The following CDC14B variants were observed in gnomAD, a reference collection of about 807,000 sequenced individuals.
The protein encoded by CDC14B is cell division cycle 14B.
In CDC14B, 22 loss-of-function variants were observed where a neutral mutation model predicts 64.2. The ratio of observed to expected loss-of-function variants is 0.34; its 90% CI spans 0.24 to 0.49. The LOEUF is 0.49. Ranked by LOEUF, CDC14B falls within the 20% of genes least tolerant of loss-of-function variation. The pLI, the probability that CDC14B is intolerant of heterozygous loss-of-function variation, is 0.99. For synonymous variants in CDC14B, 191 were observed against 215.8 expected (o/e 0.89, Z 1.01); for missense variants, 498 against 629.9 (o/e 0.79, Z 2.24).
chr9:96,583,321 AGTCTGGATGC>A (rs554747464), intron 1 of CDC14B, among the ~76,000 whole-genome samples: 169 of 151,720 alleles, frequency 1.1e-3, no homozygotes, highest in African/African-American at 3.8e-3. Context: ...TTGAAATGTC[AGTCTGGATGC>A]GTAAACCGGC....
At chr9:96,568,067 G>A (rs1844223031) in intron 1 of CDC14B, among the ~76,000 whole-genome samples, 1 of 152,144 alleles carries the variant, frequency 6.6e-6, no homozygotes, top group African/African-American at 2.4e-5. Flanking sequence ...TTATAGATAA[G>A]AAGGTGCTGG....
chr9:96,603,840 T>G (rs2118877401), intron 1 of CDC14B, among the ~76,000 whole-genome samples: 1 of 152,278 alleles, frequency 6.6e-6, no homozygotes, highest in Non-Finnish European at 1.5e-5. Context: ...CAGCACTGAG[T>G]GACATCACAT....
At chr9:96,494,524 A>C (rs1195932433) in intron 13 of CDC14B, among the ~76,000 whole-genome samples, 1 of 148,718 alleles carries the variant, frequency 6.7e-6, no homozygotes, top group Non-Finnish European at 1.5e-5. Context: ...TTTTCTGCAC[A>C]TCTCCTGTTG....
rs113259539 is a variant in CDC14B at position 96,519,190 on chromosome 9, G to T, written c.1343+3316C>A. On this transcript the variant is annotated intron_variant, in intron 12 of 13. Transcript: ENST00000375241. The stretch of plus-strand genomic sequence containing the variant: ...AAAGAATTATTTTCCATTGCTAACA[G>T]ATATACTCATCTCCAAACCTACCAA... Among the ~76,000 whole-genome samples the T allele has an allele frequency of 5.9e-3, 895 of 152,094 alleles. 8 individuals are homozygous for T. The highest frequency in any genetic ancestry group is 0.017 in the Middle Eastern group (5 of 294).
At position 96,518,805 on chromosome 9, in the gene CDC14B, G is replaced by T. The variant is rs575055512; in HGVS notation, c.1343+3701C>A. Among the ~76,000 whole-genome samples, 25 of 152,264 alleles carry T rather than the reference G, an allele frequency of 1.6e-4. 1 individual carries two copies. The South Asian group carries it at 4.8e-3, about 29-fold the overall frequency. On this transcript the variant is annotated intron_variant, in intron 12 of 13. Coordinates refer to ENST00000375241, the MANE Select transcript of CDC14B (RefSeq NM_033331.4). ...CGAATGTCCAAGTGTCAGCATTATA[G>T]ATGGTTACTTTTTCCTCTAGTAAAC...
intron 12 of CDC14B, among the ~76,000 whole-genome samples, chr9:96,520,301 C>CA (rs1215878371): frequency 6.6e-6 from 1 of 152,050 alleles, no homozygotes; most frequent in Non-Finnish European, 1.5e-5. Context: ...GGGATATTAC[C>CA]AAAAGGAATC....
At chr9:96,560,386 G>A (rs1017453579) in intron 4 of CDC14B, among the ~76,000 whole-genome samples, 1 of 152,094 alleles carries the variant, frequency 6.6e-6, no homozygotes, top group South Asian at 2.1e-4. Context: ...TTTCTCCAGG[G>A]TTCCCTTTAA....
At chr9:96,491,778 C>T (rs1193406128) in exon 14 of CDC14B, 1 of 152,248 alleles carries the variant, frequency 6.6e-6, no homozygotes, top group Non-Finnish European at 1.5e-5. Context: ...GTTCCTATCC[C>T]ATAGAGCTGT....
intron 4 of CDC14B, 130 bp from the exon 5 acceptor site, chr9:96,552,002 G>C (rs1841905226): frequency 8.8e-7 from 1 of 1,140,018 alleles, no homozygotes; most frequent in Non-Finnish European, 1.2e-6. Context: ...AGGAGCCTAG[G>C]AATCACCCAG....
chr9:96,533,672 T>C (rs191611212), intron 9 of CDC14B, among the ~76,000 whole-genome samples: 38 of 152,348 alleles, frequency 2.5e-4, no homozygotes, highest in South Asian at 1.0e-3. Flanking sequence ...TACTCATTGA[T>C]GTATCCTAGA....
rs1833648807 is a variant in CDC14B, at chr9:96,502,596, T to C, written c.*1157A>G. On this transcript the variant is annotated 3_prime_UTR_variant, in exon 14 of 14. Transcript: ENST00000375241. ...TATATTCTTTTATTTCGGGCCCCAT[T>C]TTTTTTTTTTTTTTTAGCAGCACAT... The C allele has an allele frequency of 3.5e-4, 1 of 2,840 alleles. No homozygotes were observed. The highest frequency in any genetic ancestry group is 5.0e-4 in the Non-Finnish European group (1 of 1,992). 0.2% of individuals were successfully genotyped at this position (2,840 alleles called of 1,614,324 possible).
At chr9:96,593,486 C>CA (rs1216525397) in intron 1 of CDC14B, among the ~76,000 whole-genome samples, 1,618 of 52,110 alleles carry the variant, frequency 0.031, 25 homozygotes, top group African/African-American at 0.084. Flanking sequence ...GACTTGGTCT[C>CA]AAAAAAAAAA....
At chr9:96,498,114 C>T (rs1009290571), downstream of CDC14B, among the ~76,000 whole-genome samples, 4 of 152,192 alleles carry the variant, frequency 2.6e-5, no homozygotes, top group Non-Finnish European at 4.4e-5. Context: ...CTAGTCAGGG[C>T]GTGCTACAGA....
intron 6 of CDC14B, among the ~76,000 whole-genome samples, chr9:96,540,076 T>C (rs1346961109): frequency 2.0e-5 from 3 of 152,232 alleles, no homozygotes; most frequent in Admixed American, 2.0e-4. Flanking sequence ...ACTAAGTCAA[T>C]CACAAAATTT....
chr9:96,542,042 G>T, intron 5 of CDC14B, 150 bp from the exon 6 acceptor site: 1 of 488,300 alleles, frequency 2.0e-6, no homozygotes, highest in Admixed American at 3.8e-5. Context: ...TTAAATAAAA[G>T]ATAAATCAAT....
chr9:96,619,303 G>C lies in CDC14B; in HGVS notation c.76C>G (p.Pro26Ala), dbSNP rs377395618. 3.2e-5 allele frequency: 42 copies of C among 1,320,722 alleles called. No individual in the cohort carries two copies. The highest frequency in any genetic ancestry group is 5.8e-6 in the Non-Finnish European group (6 of 1,031,868). The allele number at this position is 1,320,722 out of a possible 1,614,324, so 81.8% of individuals were successfully genotyped here. A position where few individuals can be genotyped will look rare whatever the true frequency, so the allele number is the denominator to read the frequency against. ...GAGCTGCGGATCTTCTTCACACCCGGCGAGGTCGACGAGCAGCGCCGCGAG... is the reference window on the plus strand; with the variant it reads ...GAGCTGCGGATCTTCTTCACACCCGCCGAGGTCGACGAGCAGCGCCGCGAG... The part of the protein sequence containing the change: ...PCSRRCSSTS[P>A]GVKKIRSSTQ... The change falls in exon 1 of 14, where the codon CCG (proline) becomes GCG (alanine). Residue 26 changes from proline to alanine, a missense_variant. Coordinates refer to ENST00000375241, the MANE Select transcript of CDC14B (RefSeq NM_033331.4).
chr9:96,497,323 G>GC (rs1046254684), downstream of CDC14B, among the ~76,000 whole-genome samples: 32 of 152,080 alleles, frequency 2.1e-4, no homozygotes, highest in Non-Finnish European at 4.4e-4. Flanking sequence ...GAGGCGGGAG[G>GC]CCCCCCACTC....
intron 12 of CDC14B, among the ~76,000 whole-genome samples, chr9:96,517,861 A>T (rs1484395903): frequency 2.7e-5 from 4 of 150,678 alleles, no homozygotes; most frequent in African/African-American, 9.8e-5. Context: ...TTGTAGAGAC[A>T]GAATCTCACT....
intron 1 of CDC14B, among the ~76,000 whole-genome samples, chr9:96,594,613 A>T (rs1564380051): frequency 6.7e-6 from 1 of 148,454 alleles, no homozygotes; most frequent in Non-Finnish European, 1.5e-5. Context: ...GCTACCCAGG[A>T]GGCTGAGGAA....
Sources: allele counts gnomAD v4.1 joint callset (sites outside exome capture counted in the v4.1 genomes callset), GRCh38; gene constraint gnomAD v4.1.1; transcripts MANE v1.5; gene names NCBI Gene and HGNC (gene_info 2026-07-23, HGNC 2026-07-21).